CTNNAL1: variants seen among roughly 807,000 people sequenced by gnomAD.
CTNNAL1 encodes catenin alpha like 1.
In CTNNAL1, 69 loss-of-function variants were observed where a neutral mutation model predicts 93.6. The observed-to-expected ratio is 0.74, with a 90% CI of 0.61 to 0.90. CTNNAL1 has a LOEUF of 0.90. Ranked by LOEUF, CTNNAL1 falls within the 40% of genes least tolerant of loss-of-function variation. The pLI is 0.00. For missense variants in CTNNAL1, 836 were observed against 862.0 expected (o/e 0.97, Z 0.38); for synonymous variants, 286 against 305.4 (o/e 0.94, Z 0.66).
chr9:108,986,427 T>C (rs2132162405), intron 4 of CTNNAL1, among the ~76,000 whole-genome samples: 1 of 150,808 alleles, frequency 6.6e-6, no homozygotes, highest in East Asian at 1.9e-4. Flanking sequence ...CAGTCTATCA[T>C]TGTTGGACAT....
At chr9:109,006,868 C>A (rs1827042615) in intron 1 of CTNNAL1, among the ~76,000 whole-genome samples, 1 of 152,184 alleles carries the variant, frequency 6.6e-6, no homozygotes, top group South Asian at 2.1e-4. Flanking sequence ...GACCATGTGG[C>A]AAGCTATCTG....
intron 1 of CTNNAL1, among the ~76,000 whole-genome samples, chr9:109,006,404 A>C (rs1827028281): frequency 6.6e-6 from 1 of 152,212 alleles, no homozygotes; most frequent in South Asian, 2.1e-4. Flanking sequence ...GAAGAAGTTA[A>C]GTATTTGCCC....
In CTNNAL1 at chr9:108,992,630, A is replaced by T; in HGVS notation, c.519+2T>A. On this transcript the variant is annotated splice_donor_variant, in intron 3 of 18. Coordinates refer to ENST00000325551, the MANE Select transcript of CTNNAL1 (RefSeq NM_003798.4). LOFTEE classifies it high-confidence loss of function. ...ATACAGCAACATCAGAAAGGTAAGT[A>T]CCTTATTTCTTGATGTTATTATCTG... 6.2e-7 allele frequency: 1 copy of T among 1,606,164 alleles called. No individual in the cohort carries two copies. Among genetic ancestry groups the T allele is most frequent in the Non-Finnish European group, 8.5e-7 (1 of 1,176,722 alleles).
intron 10 of CTNNAL1, among the ~76,000 whole-genome samples, chr9:108,966,247 G>A (rs1830947634): frequency 6.6e-6 from 1 of 152,124 alleles, no homozygotes; most frequent in Non-Finnish European, 1.5e-5. Flanking sequence ...CTTGTAAAGA[G>A]GGCAGAAATC....
chr9:108,995,903 C>A (rs1320129615), intron 2 of CTNNAL1, among the ~76,000 whole-genome samples: 1 of 151,888 alleles, frequency 6.6e-6, no homozygotes, highest in African/African-American at 2.4e-5. Flanking sequence ...GCCCAATATA[C>A]CCTGCTTGCA....
intron 11 of CTNNAL1, among the ~76,000 whole-genome samples, chr9:108,962,128 T>C (rs1047779539): frequency 2.6e-5 from 4 of 152,196 alleles, no homozygotes; most frequent in Non-Finnish European, 5.9e-5. Flanking sequence ...CACTGTGGGA[T>C]ACTTCGAGCC....
In CTNNAL1 at chr9:108,983,336, T is replaced by A. The variant is rs771493034; in HGVS notation, c.730-21A>T. Reference sequence around the variant, plus strand: ...CATGTCTTCAAAACAATTGAAAATTTTTATTTTAATATTTGATTTATGTCA... The same window carrying A: ...CATGTCTTCAAAACAATTGAAAATTATTATTTTAATATTTGATTTATGTCA... On this transcript the variant is annotated intron_variant, in intron 5 of 18. Transcript: ENST00000325551. 7 of 1,452,960 alleles carry A rather than the reference T, an allele frequency of 4.8e-6. No individual in the cohort carries two copies. The South Asian group carries it at 7.9e-5, about 16-fold the overall frequency. 90.0% of individuals were successfully genotyped at this position (1,452,960 alleles called of 1,614,324 possible).
At chr9:108,975,241 G>C (rs1831233198) in intron 8 of CTNNAL1, among the ~76,000 whole-genome samples, 1 of 151,684 alleles carries the variant, frequency 6.6e-6, no homozygotes, top group African/African-American at 2.4e-5. Context: ...AGGAGGGTCT[G>C]TCTGGAGAGC....
chr9:108,942,715 T>A lies in CTNNAL1; in HGVS notation c.*54A>T, dbSNP rs1830276958. ...AAAAGATAAAGGATCATTTGATTTT[T>A]AAAAATGTCAGCTTCATCACATGAT... is the stretch of plus-strand genomic sequence containing the variant. On this transcript the variant is annotated 3_prime_UTR_variant, in exon 19 of 19. Transcript: ENST00000325551. The A allele has an allele frequency of 1.7e-6, 2 of 1,142,946 alleles. No homozygotes were observed. The highest frequency in any genetic ancestry group is 4.2e-5 in the Admixed American group (2 of 47,832). The allele number at this position is 1,142,946 out of a possible 1,614,324, so 70.8% of individuals were successfully genotyped here.
intron 14 of CTNNAL1, among the ~76,000 whole-genome samples, chr9:108,948,482 A>G (rs545288631): frequency 6.6e-6 from 1 of 152,222 alleles, no homozygotes; most frequent in Non-Finnish European, 1.5e-5. Flanking sequence ...TAAACAAGTA[A>G]TATTTAAGTT....
At chr9:108,983,755 GAA>G (rs1199224572) in intron 5 of CTNNAL1, among the ~76,000 whole-genome samples, 1 of 152,166 alleles carries the variant, frequency 6.6e-6, no homozygotes, top group African/African-American at 2.4e-5. Flanking sequence ...TGGGTTCCAC[GAA>G]GTCTGTTTTT....
At chr9:108,952,411 T>C (rs776678644) in intron 13 of CTNNAL1, 33 bp downstream of exon 13, 3 of 1,614,176 alleles carry the variant, frequency 1.9e-6, no homozygotes, top group Non-Finnish European at 8.5e-7. Context: ...CTATTCATGT[T>C]AAAGGAAGAT....
intron 2 of CTNNAL1, among the ~76,000 whole-genome samples, chr9:108,997,588 C>T (rs1468511528): frequency 6.6e-6 from 1 of 152,222 alleles, no homozygotes; most frequent in East Asian, 1.9e-4. Context: ...ATCTTGTCCA[C>T]CCCTCTACAT....
intron 4 of CTNNAL1, among the ~76,000 whole-genome samples, chr9:108,990,233 G>A (rs1831747621): frequency 6.6e-6 from 1 of 152,118 alleles, no homozygotes; most frequent in African/African-American, 2.4e-5. Flanking sequence ...CTACCTCATA[G>A]GGATGTTTTG....
chr9:109,011,280 T>C (rs563813344), intron 1 of CTNNAL1, among the ~76,000 whole-genome samples: 33 of 152,262 alleles, frequency 2.2e-4, no homozygotes, highest in Non-Finnish European at 4.1e-4. Context: ...ATATCAGTTA[T>C]GGTGTTGTGG....
At chr9:108,948,709 C>T (rs1830474492) in intron 14 of CTNNAL1, among the ~76,000 whole-genome samples, 1 of 152,102 alleles carries the variant, frequency 6.6e-6, no homozygotes, top group Non-Finnish European at 1.5e-5. Context: ...GTGAATAAAG[C>T]AATCATAATA....
intron 1 of CTNNAL1, among the ~76,000 whole-genome samples, chr9:109,008,839 T>C: frequency 6.6e-6 from 1 of 151,002 alleles, no homozygotes; most frequent in South Asian, 2.1e-4. Flanking sequence ...ATTCTCCCAC[T>C]TAATGACTTA....
chr9:109,005,278 A>T (rs1223987943), intron 1 of CTNNAL1, among the ~76,000 whole-genome samples: 1 of 152,142 alleles, frequency 6.6e-6, no homozygotes, highest in Non-Finnish European at 1.5e-5. Context: ...AAAAAAGAGA[A>T]CTTGCTCAGC....
intron 1 of CTNNAL1, among the ~76,000 whole-genome samples, chr9:109,000,732 A>G (rs1016125735): frequency 1.1e-4 from 17 of 150,954 alleles, no homozygotes; most frequent in Non-Finnish European, 1.8e-4. Flanking sequence ...CTTAGGAATG[A>G]GCCTCTCCTG....
Sources: gnomAD v4.1 joint callset for allele counts (sites outside exome capture counted in the v4.1 genomes callset) on GRCh38, gnomAD v4.1.1 for gene constraint, MANE v1.5 for transcripts, NCBI Gene and HGNC (gene_info 2026-07-23, HGNC 2026-07-21) for gene names.